Variants in GRM8 observed in about 807,000 individuals in gnomAD.
GRM8 encodes metabotropic glutamate receptor 8.
GRM8 carries 47 observed loss-of-function variants against 87.2 expected under a neutral mutation model. The ratio of observed to expected loss-of-function variants is 0.54; its 90% CI spans 0.43 to 0.69. GRM8 has a LOEUF of 0.69. Among genes scored for constraint, GRM8 ranks in the 30% least tolerant of loss-of-function variants. GRM8 has a pLI of 0.00. For synonymous variants in GRM8, 396 were observed against 404.5 expected (o/e 0.98, Z 0.25); for missense variants, 1,019 against 1,139.2 (o/e 0.89, Z 1.52).
At chr7:127,168,955 C>A (rs1457946265) in intron 2 of GRM8, among the ~76,000 whole-genome samples, 1 of 151,338 alleles carries the variant, frequency 6.6e-6, no homozygotes, top group Non-Finnish European at 1.5e-5. Flanking sequence ...ACATGTATAC[C>A]TATGTAACAA....
At chr7:126,870,537 G>A (rs1426378438) in intron 6 of GRM8, 1 of 152,110 alleles carries the variant, frequency 6.6e-6, no homozygotes, top group African/African-American at 2.4e-5. Context: ...GGTCATTGTA[G>A]GGTTATTAAT....
intron 6 of GRM8, among the ~76,000 whole-genome samples, chr7:126,776,606 T>C (rs1819503980): frequency 6.6e-6 from 1 of 152,216 alleles, no homozygotes; most frequent in Non-Finnish European, 1.5e-5. Context: ...ATAACGTGGT[T>C]GATCATTTAT....
intron 6 of GRM8, among the ~76,000 whole-genome samples, chr7:126,899,611 G>T (rs1323476719): frequency 6.6e-6 from 1 of 152,070 alleles, no homozygotes; most frequent in South Asian, 2.1e-4. Flanking sequence ...GTATATGTTT[G>T]TGTGTACCTT....
intron 7 of GRM8, among the ~76,000 whole-genome samples, chr7:126,668,833 G>C (rs1806079581): frequency 1.3e-5 from 2 of 151,902 alleles, no homozygotes; most frequent in Non-Finnish European, 2.9e-5. Context: ...GTTTCCTTTT[G>C]CCTGTCTGTG....
intron 2 of GRM8, among the ~76,000 whole-genome samples, chr7:127,235,287 G>A (rs1333096826): frequency 2.6e-5 from 4 of 152,168 alleles, no homozygotes; most frequent in South Asian, 2.1e-4. Flanking sequence ...AATGTGCTCC[G>A]CCCAAGAGTC....
intron 7 of GRM8, among the ~76,000 whole-genome samples, chr7:126,630,067 T>TATGTG (rs1028553021): frequency 6.6e-6 from 1 of 152,040 alleles, no homozygotes; most frequent in African/African-American, 2.4e-5. Context: ...CTCTGACCAT[T>TATGTG]ATGTGATAAA....
intron 3 of GRM8, among the ~76,000 whole-genome samples, chr7:127,019,110 T>G (rs1815997137): frequency 6.6e-6 from 1 of 152,096 alleles, no homozygotes; most frequent in Middle Eastern, 3.4e-3. Flanking sequence ...TAGAAACCAT[T>G]TCAAGTCCCT....
Position 127,107,826 on chromosome 7 carries a change from G to A in GRM8, c.511-1114C>T, listed in dbSNP as rs17865965. 7.6e-4 allele frequency among the ~76,000 whole-genome samples: 116 copies of A among 152,272 alleles called. 1 individual carries two copies. The highest frequency in any genetic ancestry group is 2.7e-3 in the African/African-American group (111 of 41,536). ...TCTAAATAACCTTCCTAAGTCTAGA[G>A]AGTCCTGTTCCCTACTAGTGGCCAG... On this transcript the variant is annotated intron_variant, in intron 2 of 10. Transcript: ENST00000339582.
chr7:126,673,777 T>TAA (rs757452642), intron 7 of GRM8, among the ~76,000 whole-genome samples: 3 of 152,194 alleles, frequency 2.0e-5, no homozygotes, highest in Non-Finnish European at 4.4e-5. Context: ...TAGCATGTAT[T>TAA]AAATATAAAA....
chr7:127,047,889 C>A (rs1394115255), intron 3 of GRM8, among the ~76,000 whole-genome samples: 1 of 152,116 alleles, frequency 6.6e-6, no homozygotes, highest in Non-Finnish European at 1.5e-5. Flanking sequence ...ATTAAATAAA[C>A]AATAAAACTG....
At chr7:127,215,217 T>A (rs1563584215) in intron 2 of GRM8, 1 of 152,208 alleles carries the variant, frequency 6.6e-6, no homozygotes, top group African/African-American at 2.4e-5. Flanking sequence ...TAACAATTCT[T>A]TTGCTTGAGG....
chr7:126,819,343 G>T (rs1180384946), intron 6 of GRM8, among the ~76,000 whole-genome samples: 1 of 150,458 alleles, frequency 6.6e-6, no homozygotes, highest in Non-Finnish European at 1.5e-5. Flanking sequence ...CAACTTCCCA[G>T]ATATAGAGCC....
At chr7:126,622,824 A>G (rs1220330671) in intron 7 of GRM8, among the ~76,000 whole-genome samples, 1 of 152,096 alleles carries the variant, frequency 6.6e-6, no homozygotes, top group Non-Finnish European at 1.5e-5. Flanking sequence ...CATTTTCTCC[A>G]CTTTCTTATT....
chr7:126,536,782 C>T (rs548036725), intron 8 of GRM8, among the ~76,000 whole-genome samples: 1 of 151,950 alleles, frequency 6.6e-6, no homozygotes, highest in Non-Finnish European at 1.5e-5. Flanking sequence ...AACAAAATTG[C>T]ATTTTGTTGG....
Position 126,598,835 on chromosome 7 carries a change from A to G in GRM8, c.1494+10527T>C, listed in dbSNP as rs944055932. ...AAATATCTTAAAATGTTCTCATGGT[A>G]TATGAGGTCTTATAGAATTTAAGTT... On this transcript the variant is annotated intron_variant, in intron 8 of 10. Transcript: ENST00000339582. Among the ~76,000 whole-genome samples the G allele has an allele frequency of 2.6e-5, 4 of 152,222 alleles. 1 individual carries two copies. In the East Asian group the frequency reaches 5.8e-4, roughly 22 times the overall value.
At chr7:126,774,531 G>A (rs1395130440) in intron 6 of GRM8, among the ~76,000 whole-genome samples, 3 of 152,162 alleles carry the variant, frequency 2.0e-5, no homozygotes, top group Non-Finnish European at 2.9e-5. Context: ...TTCATGGTGA[G>A]AGAGGAAGTC....
intron 3 of GRM8, among the ~76,000 whole-genome samples, chr7:126,945,107 G>A (rs745917706): frequency 7.2e-5 from 11 of 152,148 alleles, no homozygotes; most frequent in Non-Finnish European, 1.6e-4. Context: ...AATTACATGT[G>A]TAGATGTTTA....
chr7:127,193,320 C>G (rs997480342), intron 2 of GRM8, among the ~76,000 whole-genome samples: 2 of 152,184 alleles, frequency 1.3e-5, no homozygotes, highest in African/African-American at 4.8e-5. Flanking sequence ...CATCAATGTC[C>G]AATCAAAGTG....
chr7:127,014,825 T>G (rs545079007), intron 3 of GRM8, among the ~76,000 whole-genome samples: 1 of 151,434 alleles, frequency 6.6e-6, no homozygotes, highest in African/African-American at 2.4e-5. Flanking sequence ...CAACTTCAAC[T>G]TAAGTGTGGC....
Sources: gnomAD v4.1 joint callset for allele counts (sites outside exome capture counted in the v4.1 genomes callset) on GRCh38, gnomAD v4.1.1 for gene constraint, MANE v1.5 for transcripts, NCBI Gene and HGNC (gene_info 2026-07-23, HGNC 2026-07-21) for gene names.